Variants in DAB1 observed in about 807,000 individuals in gnomAD.
DAB1 encodes the protein DAB adaptor protein 1.
DAB1 carries 15 observed loss-of-function variants against 64.6 expected under a neutral mutation model. The ratio of observed to expected loss-of-function variants is 0.23; its 90% CI spans 0.16 to 0.36. The LOEUF (loss-of-function observed/expected upper bound fraction) is 0.36. DAB1 is among the 10% of genes least tolerant of loss of function. The probability of loss-of-function intolerance (pLI) is 1.00; values close to 1 mark genes in which losing one functional copy is unlikely to be tolerated. For missense variants in DAB1, 596 were observed against 706.7 expected (o/e 0.84, Z 1.78); for synonymous variants, 235 against 251.9 (o/e 0.93, Z 0.64).
intron 14 of DAB1, among the ~76,000 whole-genome samples, chr1:56,999,447 G>A (rs749834906): frequency 6.6e-6 from 1 of 152,146 alleles, no homozygotes; most frequent in Non-Finnish European, 1.5e-5. Context: ...CCATCCATTG[G>A]TGCTTCAGAG....
intron 7 of DAB1, among the ~76,000 whole-genome samples, chr1:57,519,687 A>G (rs1644503865): frequency 6.6e-6 from 1 of 152,214 alleles, no homozygotes; most frequent in South Asian, 2.1e-4. Flanking sequence ...CGAGGCTTGT[A>G]TGATAACTAA....
At position 58,404,305 on chromosome 1, in the gene DAB1, G is replaced by A. The variant is rs114519678; in HGVS notation, n.258-60902C>T. Among the ~76,000 whole-genome samples the A allele has an allele frequency of 5.8e-3, 889 of 152,294 alleles. 10 individuals carry two copies. Among genetic ancestry groups the A allele is most frequent in the African/African-American group, 0.02 (851 of 41,552 alleles). The stretch of plus-strand genomic sequence containing the variant: ...ATTGCCTGACAAGACACTGTGCCTC[G>A]AGGATCAGCTTTCACAAGCAGATGA... On this transcript the variant is annotated intron_variant and non_coding_transcript_variant, in intron 3 of 20. Transcript: ENST00000485760.
intron 1 of DAB1, among the ~76,000 whole-genome samples, chr1:57,412,170 A>T (rs139825441): frequency 2.6e-5 from 4 of 152,304 alleles, no homozygotes; most frequent in African/African-American, 9.6e-5. Flanking sequence ...TAATAAATAA[A>T]TGCTGTATGT....
Position 58,378,079 on chromosome 1 carries a change from T to G in DAB1, n.258-34676A>C, listed in dbSNP as rs1403844264. On this transcript the variant is annotated intron_variant and non_coding_transcript_variant, in intron 3 of 20. Transcript: ENST00000485760. ...TATTGGTTATTCTAGTTATACATTC[T>G]TCTAAATTTTTTTCAAAGTTTTCAA... Among the ~76,000 whole-genome samples the G allele has an allele frequency of 1.5e-5, 2 of 136,002 alleles. 1 individual carries two copies. The highest frequency in any genetic ancestry group is 3.2e-5 in the Non-Finnish European group (2 of 61,598). 89.2% of individuals were successfully genotyped at this position (136,002 alleles called of 152,430 possible).
At chr1:58,489,373 A>C (rs1645635128) in intron 3 of DAB1, among the ~76,000 whole-genome samples, 2 of 152,184 alleles carry the variant, frequency 1.3e-5, no homozygotes. Context: ...ATCAAACTGC[A>C]AGGTGGCAGC....
At chr1:57,478,234 G>A (rs900688327) in intron 7 of DAB1, among the ~76,000 whole-genome samples, 7 of 152,022 alleles carry the variant, frequency 4.6e-5, no homozygotes, top group Non-Finnish European at 8.8e-5. Context: ...AATTAGAAAG[G>A]CTCTCATAAT....
intron 3 of DAB1, among the ~76,000 whole-genome samples, chr1:58,343,901 CCTT>C (rs1347220496): frequency 6.6e-6 from 1 of 152,154 alleles, no homozygotes; most frequent in Admixed American, 6.6e-5. Flanking sequence ...TAACCTGTGT[CCTT>C]CTTTGGGACT....
At chr1:58,345,762 AC>A (rs1229558822) in intron 3 of DAB1, among the ~76,000 whole-genome samples, 2 of 149,932 alleles carry the variant, frequency 1.3e-5, no homozygotes, top group African/African-American at 4.9e-5. Context: ...TTCCTCACCC[AC>A]CCCCATCCCA....
intron 6 of DAB1, among the ~76,000 whole-genome samples, chr1:57,660,459 G>A (rs980837147): frequency 6.6e-6 from 1 of 152,212 alleles, no homozygotes. Flanking sequence ...ACCAAGGGTA[G>A]TGGGCCCTGT....
intron 1 of DAB1, among the ~76,000 whole-genome samples, chr1:57,874,763 A>G (rs1644015003): frequency 6.6e-6 from 1 of 152,144 alleles, no homozygotes; most frequent in African/African-American, 2.4e-5. Context: ...GAGGGTTCAA[A>G]CAAGGTTAAA....
At chr1:57,869,991 C>T (rs1278869424) in intron 1 of DAB1, among the ~76,000 whole-genome samples, 3 of 152,106 alleles carry the variant, frequency 2.0e-5, no homozygotes, top group Non-Finnish European at 4.4e-5. Context: ...GTCAAACTCT[C>T]TCTGAAGCTG....
At chr1:57,556,966 A>G (rs976966727) in intron 7 of DAB1, among the ~76,000 whole-genome samples, 1 of 152,020 alleles carries the variant, frequency 6.6e-6, no homozygotes, top group Non-Finnish European at 1.5e-5. Context: ...AAGGTGAGAG[A>G]CACGTGGCAT....
At chr1:57,833,251 CAAACCTGT>C (rs1378791055) in intron 1 of DAB1, among the ~76,000 whole-genome samples, 2 of 152,068 alleles carry the variant, frequency 1.3e-5, no homozygotes, top group East Asian at 3.9e-4. Context: ...GTACTGAGAA[CAAACCTGT>C]AAATAGGTGT....
chr1:57,961,838 G>T lies in DAB1; in HGVS notation n.388-77676C>A, dbSNP rs191620354. On this transcript the variant is annotated intron_variant and non_coding_transcript_variant, in intron 5 of 20. Transcript: ENST00000485760. ...TACAAAAAAAAAATTAGCCGGGCAT[G>T]GTGGTGTCCTGTAATCCCAGCTACT... Among the ~76,000 whole-genome samples, 60 of 152,214 alleles carry T rather than the reference G, an allele frequency of 3.9e-4. 1 individual carries two copies. The highest frequency in any genetic ancestry group is 1.4e-3 in the African/African-American group (58 of 41,552).
chr1:58,433,016 C>T (rs752420341), intron 3 of DAB1, among the ~76,000 whole-genome samples: 16 of 152,202 alleles, frequency 1.1e-4, no homozygotes, highest in East Asian at 1.9e-4. Flanking sequence ...ATACAGTACC[C>T]GGAGGCGAGT....
rs1399560052 is a variant in DAB1 at position 58,366,600 on chromosome 1, C to T, written n.258-23197G>A. Among the ~76,000 whole-genome samples, 3 of 152,226 alleles carry T rather than the reference C, an allele frequency of 2.0e-5. No homozygotes were observed. The East Asian group carries it at 5.8e-4, about 29-fold the overall frequency. On this transcript the variant is annotated intron_variant and non_coding_transcript_variant, in intron 3 of 20. Coordinates refer to the DAB1 transcript ENST00000485760. ...GAGTGGATGTATTTCCCATTCCTCC[C>T]AGTACCTCATTGAAGGACTTGTGAT...
chr1:57,057,028 G>A (rs993934015), intron 9 of DAB1, among the ~76,000 whole-genome samples: 2 of 152,120 alleles, frequency 1.3e-5, no homozygotes, highest in Admixed American at 1.3e-4. Context: ...ATGAACAGAG[G>A]CTCATGGTGA....
At chr1:57,648,650 A>G (rs183220261) in intron 7 of DAB1, among the ~76,000 whole-genome samples, 13 of 152,302 alleles carry the variant, frequency 8.5e-5, no homozygotes, top group Admixed American at 8.5e-4. Flanking sequence ...TCCCATAACA[A>G]ATAGCTCCCA....
chr1:57,525,988 A>G (rs1468923589), intron 7 of DAB1, among the ~76,000 whole-genome samples: 5 of 145,188 alleles, frequency 3.4e-5, no homozygotes, highest in Non-Finnish European at 7.4e-5. Flanking sequence ...CCCAGGCTGG[A>G]GTGCAGTGGC....
Sources: allele counts gnomAD v4.1 joint callset (sites outside exome capture counted in the v4.1 genomes callset), GRCh38; gene constraint gnomAD v4.1.1; transcripts MANE v1.5; gene names NCBI Gene and HGNC (gene_info 2026-07-23, HGNC 2026-07-21).